Variants in MLXIP observed in about 807,000 individuals in gnomAD.
MLXIP encodes MLX interacting protein.
A neutral mutation model predicts 87.2 loss-of-function variants in MLXIP; 30 were observed. That is an observed-to-expected ratio of 0.34 (90% CI 0.26 to 0.47). The LOEUF is 0.47. Ranked by LOEUF, MLXIP falls within the 20% of genes least tolerant of loss-of-function variation. The pLI, the probability that MLXIP is intolerant of heterozygous loss-of-function variation, is 1.00. For synonymous variants in MLXIP, 530 were observed against 514.0 expected, an observed-to-expected ratio of 1.03 and a Z score of -0.42; for missense variants, 1,002 against 1,240.1, an observed-to-expected ratio of 0.81 and a Z score of 2.88.
rs530900135 is a variant in MLXIP, at chr12:122,114,279, C to G, written c.414-12977C>G. ...GGGATTACAGGCGTGAGCCACTGCG[C>G]CTGGCTGACTGCCTTCATTTCTAAT... On this transcript the variant is annotated intron_variant, in intron 1 of 16. Coordinates refer to ENST00000319080, the MANE Select transcript of MLXIP (RefSeq NM_014938.6). Among the ~76,000 whole-genome samples, 4 of 152,328 alleles carry G rather than the reference C, an allele frequency of 2.6e-5. No individual in the cohort carries two copies. In the East Asian group the frequency reaches 7.7e-4, roughly 29 times the overall value.
chr12:122,105,537 G>A (rs1952505578), intron 1 of MLXIP, among the ~76,000 whole-genome samples: 1 of 151,938 alleles, frequency 6.6e-6, no homozygotes, highest in African/African-American at 2.4e-5. Context: ...GGGTTTCTCT[G>A]TGTTGGTCAG....
intron 1 of MLXIP, among the ~76,000 whole-genome samples, chr12:122,118,932 C>G (rs28453771): frequency 1.3e-5 from 2 of 150,810 alleles, no homozygotes; most frequent in Non-Finnish European, 3.0e-5. Flanking sequence ...TTTGGGAGGT[C>G]GAAGCGGGCA....
rs769663017 is a variant in MLXIP, at chr12:122,129,974, G to A, written c.772G>A (p.Asp258Asn). 1 of 1,613,816 alleles carries A rather than the reference G, an allele frequency of 6.2e-7. No homozygotes were observed. Among genetic ancestry groups the A allele is most frequent in the Non-Finnish European group, 8.5e-7 (1 of 1,179,856 alleles). Reference protein sequence around the residue: ...DDMLYWHKHGDGWKTPVPMEE... With the variant: ...DDMLYWHKHGNGWKTPVPMEE... Reference sequence around the variant, plus strand: ...CATGCTGTATTGGCACAAGCACGGGGATGGATGGAAGACCCCCGTCCCCAT... The same window carrying A: ...CATGCTGTATTGGCACAAGCACGGGAATGGATGGAAGACCCCCGTCCCCAT... The change falls in exon 6 of 17, where the codon GAT (aspartate) becomes AAT (asparagine). Residue 258 changes from aspartate (D) to asparagine (N), a missense_variant. Around this residue, in one of 3 missense-constraint regions of MLXIP, gnomAD observed 746 missense variants for 897.0 expected, o/e 0.83. Coordinates refer to ENST00000319080, the MANE Select transcript of MLXIP (RefSeq NM_014938.6).
chr12:122,140,571 GA>G (rs1953180571), intron 15 of MLXIP, among the ~76,000 whole-genome samples: 1 of 152,154 alleles, frequency 6.6e-6, no homozygotes, highest in Non-Finnish European at 1.5e-5. Context: ...TGGGATTATA[GA>G]CGTGAGCCAC....
chr12:122,124,186 C>T (rs1327221643), intron 1 of MLXIP, among the ~76,000 whole-genome samples: 3 of 114,378 alleles, frequency 2.6e-5, no homozygotes, highest in Non-Finnish European at 5.5e-5. Context: ...CCGCCCCAGC[C>T]GTCCCCCGCC....
intron 1 of MLXIP, among the ~76,000 whole-genome samples, chr12:122,121,897 G>A (rs925073830): frequency 6.6e-6 from 1 of 152,214 alleles, no homozygotes; most frequent in African/African-American, 2.4e-5. Context: ...GCAGGGTGGT[G>A]TAAAGATTGT....
Position 122,079,316 on chromosome 12 carries a change from A to C in MLXIP, c.413+50A>C, listed in dbSNP as rs1335712050. On this transcript the variant is annotated intron_variant, in intron 1 of 16. Coordinates refer to ENST00000319080, the MANE Select transcript of MLXIP (RefSeq NM_014938.6). ...GGCCCCGGCCGGAGGCCCTTGTTTG[A>C]CAAAACAAGCGTGGAGGGAAGGGCC... 3 of 1,508,124 alleles carry C rather than the reference A, an allele frequency of 2.0e-6. No individual in the cohort carries two copies. In the East Asian group the frequency reaches 7.5e-5, roughly 38 times the overall value. The allele number at this position is 1,508,124 out of a possible 1,614,324, so 93.4% of individuals were successfully genotyped here.
chr12:122,087,621 CA>C (rs1952187526), intron 1 of MLXIP, among the ~76,000 whole-genome samples: 1 of 152,150 alleles, frequency 6.6e-6, no homozygotes, highest in African/African-American at 2.4e-5. Flanking sequence ...GAGTGAGTGG[CA>C]GGAGGTAAGA....
intron 1 of MLXIP, among the ~76,000 whole-genome samples, chr12:122,119,710 T>G (rs531634665): frequency 1.2e-4 from 19 of 152,362 alleles, no homozygotes; most frequent in Admixed American, 1.1e-3. Context: ...TTTTGACTGG[T>G]TCCCTGTGAT....
chr12:122,132,422 C>T, intron 8 of MLXIP, 39 bp downstream of exon 8: 1 of 1,498,930 alleles, frequency 6.7e-7, no homozygotes, highest in Non-Finnish European at 9.2e-7. Flanking sequence ...AAGGGGCTGG[C>T]AGGCACAGGG....
chr12:122,138,077 C>G, intron 12 of MLXIP, 117 bp from the exon 13 acceptor site: 1 of 814,656 alleles, frequency 1.2e-6, no homozygotes, highest in Non-Finnish European at 1.9e-6. Context: ...GTGCCCTCCT[C>G]CCACGTAGCT....
intron 1 of MLXIP, among the ~76,000 whole-genome samples, chr12:122,119,365 A>C (rs529432899): frequency 5.3e-5 from 8 of 152,108 alleles, no homozygotes; most frequent in Admixed American, 5.2e-4. Flanking sequence ...GTAGTGTTCC[A>C]CTGTGTAGAT....
intron 2 of MLXIP, 90 bp from the exon 3 acceptor site, chr12:122,127,793 G>T: frequency 2.1e-6 from 2 of 974,498 alleles, no homozygotes; most frequent in Admixed American, 1.8e-5. Flanking sequence ...TGGGAATGTG[G>T]TCTGCCCTAG....
At chr12:122,118,560 A>G (rs1332931120) in intron 1 of MLXIP, among the ~76,000 whole-genome samples, 1 of 152,156 alleles carries the variant, frequency 6.6e-6, no homozygotes, top group Non-Finnish European at 1.5e-5. Flanking sequence ...AACGGTAGCC[A>G]TACCAGGCCG....
intron 14 of MLXIP, 43 bp downstream of exon 14, chr12:122,138,594 C>T (rs754237702): frequency 3.4e-5 from 53 of 1,580,860 alleles, no homozygotes; most frequent in Admixed American, 5.5e-5. Flanking sequence ...CACCCCATCC[C>T]GATGCAGGGC....
chr12:122,110,471 G>A (rs1042398875), intron 1 of MLXIP, among the ~76,000 whole-genome samples: 21 of 151,930 alleles, frequency 1.4e-4, no homozygotes, highest in African/African-American at 4.8e-4. Context: ...ATTTTTAGTA[G>A]AGACAGGGTT....
At chr12:122,131,441 CTTTTTTTTTTTTTTT>C (rs1174308802) in intron 7 of MLXIP, among the ~76,000 whole-genome samples, 2 of 76,546 alleles carry the variant, frequency 2.6e-5, no homozygotes, top group South Asian at 5.7e-4. Flanking sequence ...TTGTTTGAGT[CTTTTTTTTTTTTTTT>C]TTTTTTTTTT....
chr12:122,104,931 CT>C (rs1177094627), intron 1 of MLXIP, among the ~76,000 whole-genome samples: 1 of 152,170 alleles, frequency 6.6e-6, no homozygotes, highest in Non-Finnish European at 1.5e-5. Context: ...TGGCTCTGAC[CT>C]TTTGAAGGGA....
At chr12:122,126,693 G>A (rs1016871139) in intron 1 of MLXIP, among the ~76,000 whole-genome samples, 1 of 152,144 alleles carries the variant, frequency 6.6e-6, no homozygotes, top group African/African-American at 2.4e-5. Context: ...TTTTAGTTAT[G>A]GAAAATTTGT....
Sources: allele counts gnomAD v4.1 joint callset (sites outside exome capture counted in the v4.1 genomes callset), GRCh38; gene constraint gnomAD v4.1.1; regional missense constraint gnomAD v4.1.1; transcripts MANE v1.5; gene names NCBI Gene and HGNC (gene_info 2026-07-23, HGNC 2026-07-21).